The following ST6GALNAC3 variants were observed in gnomAD, a reference collection of about 807,000 sequenced individuals.
The protein encoded by ST6GALNAC3 is alpha-N-acetylgalactosaminide alpha-2,6-sialyltransferase 3.
In ST6GALNAC3, 25 loss-of-function variants were observed where a neutral mutation model predicts 32.7. That is an observed-to-expected ratio of 0.76 (90% CI 0.56 to 1.07). The LOEUF (loss-of-function observed/expected upper bound fraction) is 1.07, where lower values mean the gene tolerates loss of function less well. ST6GALNAC3 is among the 50% of genes least tolerant of loss of function. The pLI is 0.00. For synonymous variants in ST6GALNAC3, 129 were observed against 133.1 expected (o/e 0.97, Z 0.21); for missense variants, 355 against 382.4 (o/e 0.93, Z 0.60).
At chr1:76,330,508 T>C (rs1201404901) in intron 2 of ST6GALNAC3, among the ~76,000 whole-genome samples, 1 of 152,226 alleles carries the variant, frequency 6.6e-6, no homozygotes, top group East Asian at 1.9e-4. Context: ...ATCAAATGTC[T>C]TCCTGTGCTA....
At chr1:76,566,092 A>C (rs572902834) in intron 3 of ST6GALNAC3, among the ~76,000 whole-genome samples, 3 of 152,162 alleles carry the variant, frequency 2.0e-5, no homozygotes, top group Non-Finnish European at 4.4e-5. Context: ...GCTAGTAATG[A>C]TTAGGTAACA....
intron 1 of ST6GALNAC3, among the ~76,000 whole-genome samples, chr1:76,144,660 T>G (rs1427026790): frequency 6.6e-6 from 1 of 152,232 alleles, no homozygotes; most frequent in Non-Finnish European, 1.5e-5. Context: ...ACCACTTCTT[T>G]TAATAAATAC....
At chr1:76,560,873 T>C (rs1384397062) in intron 3 of ST6GALNAC3, among the ~76,000 whole-genome samples, 1 of 152,186 alleles carries the variant, frequency 6.6e-6, no homozygotes, top group Non-Finnish European at 1.5e-5. Flanking sequence ...ATCAAAGAGA[T>C]ATCTGCATTC....
Position 76,211,359 on chromosome 1 carries a change from A to C in ST6GALNAC3, c.19-102446A>C, listed in dbSNP as rs574382778. 3.9e-5 allele frequency among the ~76,000 whole-genome samples: 6 copies of C among 152,324 alleles called. No individual in the cohort carries two copies. The East Asian group carries it at 1.2e-3, about 29-fold the overall frequency. ...GGTGGGACTGTAAACTAGTTCAACC[A>C]TTGTGGAAGTCAGTGTGGCGATTCC... On this transcript the variant is annotated intron_variant, in intron 1 of 4. Coordinates refer to ENST00000328299, the MANE Select transcript of ST6GALNAC3 (RefSeq NM_152996.4).
Position 76,577,019 on chromosome 1 carries a change from T to C in ST6GALNAC3, c.624-50433T>C, listed in dbSNP as rs1032249324. On this transcript the variant is annotated intron_variant, in intron 3 of 4. Coordinates refer to ENST00000328299, the MANE Select transcript of ST6GALNAC3 (RefSeq NM_152996.4). The stretch of plus-strand genomic sequence containing the variant: ...CATGTCAGTGGTTCAAAGATTAAGA[T>C]TGTGGCTTTGTGTAAAGTTCTTTCC... 30 of 1,191,084 alleles carry C rather than the reference T, an allele frequency of 2.5e-5. No homozygotes were observed. In the South Asian group the frequency reaches 4.3e-4, roughly 17 times the overall value. 73.8% of individuals were successfully genotyped at this position (1,191,084 alleles called of 1,614,324 possible).
chr1:76,169,782 G>A (rs923756529), intron 1 of ST6GALNAC3, among the ~76,000 whole-genome samples: 1 of 152,016 alleles, frequency 6.6e-6, no homozygotes, highest in African/African-American at 2.4e-5. Context: ...TGAAATTCTT[G>A]TAGTGTGTTT....
chr1:76,396,720 A>T (rs2101185106), intron 2 of ST6GALNAC3, among the ~76,000 whole-genome samples: 1 of 152,286 alleles, frequency 6.6e-6, no homozygotes, highest in East Asian at 1.9e-4. Context: ...TAGATAGTCT[A>T]TAGTCTTTTC....
intron 1 of ST6GALNAC3, among the ~76,000 whole-genome samples, chr1:76,172,297 T>C (rs538108450): frequency 9.2e-5 from 14 of 152,250 alleles, no homozygotes; most frequent in Admixed American, 9.2e-4. Context: ...ATTCTTCATG[T>C]TAAAAACTCT....
At chr1:76,520,490 A>G (rs1259610509) in intron 3 of ST6GALNAC3, among the ~76,000 whole-genome samples, 1 of 151,712 alleles carries the variant, frequency 6.6e-6, no homozygotes, top group South Asian at 2.1e-4. Context: ...ACACACATAC[A>G]CACACACACA....
intron 3 of ST6GALNAC3, among the ~76,000 whole-genome samples, chr1:76,470,569 T>C (rs1350317928): frequency 1.3e-5 from 2 of 152,140 alleles, no homozygotes; most frequent in Non-Finnish European, 2.9e-5. Context: ...GAAATACATT[T>C]TCTCCTGTGT....
At chr1:76,111,757 AAGGTCAC>A (rs1165642044) in intron 1 of ST6GALNAC3, among the ~76,000 whole-genome samples, 2 of 150,260 alleles carry the variant, frequency 1.3e-5, no homozygotes, top group Admixed American at 6.6e-5. Context: ...GGTTGGGGGT[AAGGTCAC>A]AGATCAACAG....
chr1:76,520,470 A>G (rs1482023122), intron 3 of ST6GALNAC3, among the ~76,000 whole-genome samples: 1 of 152,130 alleles, frequency 6.6e-6, no homozygotes, highest in South Asian at 2.1e-4. Flanking sequence ...CACATACCAT[A>G]CACACACATA....
intron 2 of ST6GALNAC3, among the ~76,000 whole-genome samples, chr1:76,378,708 G>A (rs537294295): frequency 2.5e-4 from 38 of 151,386 alleles, no homozygotes; most frequent in African/African-American, 9.2e-4. Flanking sequence ...TAGTGTTTTT[G>A]TACAAAGGAT....
intron 3 of ST6GALNAC3, among the ~76,000 whole-genome samples, chr1:76,477,297 A>T (rs1029130330): frequency 2.6e-5 from 4 of 152,048 alleles, no homozygotes; most frequent in Non-Finnish European, 5.9e-5. Context: ...CACACTCTGA[A>T]TCTTCCAATT....
At chr1:76,425,293 G>C (rs1418611835) in intron 3 of ST6GALNAC3, among the ~76,000 whole-genome samples, 1 of 151,904 alleles carries the variant, frequency 6.6e-6, no homozygotes, top group Non-Finnish European at 1.5e-5. Context: ...TGCAAAAGTA[G>C]CAACTTCCCC....
chr1:76,446,286 A>T (rs1656961692), intron 3 of ST6GALNAC3, among the ~76,000 whole-genome samples: 1 of 152,026 alleles, frequency 6.6e-6, no homozygotes, highest in Admixed American at 6.5e-5. Flanking sequence ...ATCAACATCC[A>T]TTACTAGAGT....
intron 3 of ST6GALNAC3, among the ~76,000 whole-genome samples, chr1:76,561,127 T>A (rs1195536495): frequency 6.6e-6 from 1 of 152,144 alleles, no homozygotes; most frequent in Non-Finnish European, 1.5e-5. Context: ...GTTCTCTCAC[T>A]CATTTGTGGG....
rs542470620 is a variant in ST6GALNAC3, at chr1:76,124,882, AACCAGATGTGCTACAAGAGTAAGATACAC to A, written c.18+50006_18+50034del. The stretch of plus-strand genomic sequence containing the variant: ...GAGAACTTGAAATGTGGAGCATCTG[AACCAGATGTGCTACAAGAGTAAGATACAC>A]ACCAGATTACAAAAGACTTGATTAA... On this transcript the variant is annotated intron_variant, in intron 1 of 4. Coordinates refer to ENST00000328299, the MANE Select transcript of ST6GALNAC3 (RefSeq NM_152996.4). 4.5e-3 allele frequency among the ~76,000 whole-genome samples: 682 copies of A among 152,320 alleles called. 7 individuals are homozygous for A. Among genetic ancestry groups the A allele is most frequent in the African/African-American group, 0.015 (617 of 41,556 alleles).
intron 2 of ST6GALNAC3, among the ~76,000 whole-genome samples, chr1:76,378,358 A>T (rs964895745): frequency 6.6e-6 from 1 of 152,114 alleles, no homozygotes; most frequent in African/African-American, 2.4e-5. Flanking sequence ...TATGTAAATG[A>T]TTCTAAAAGT....
Sources: allele counts gnomAD v4.1 joint callset (sites outside exome capture counted in the v4.1 genomes callset), GRCh38; gene constraint gnomAD v4.1.1; transcripts MANE v1.5; gene names NCBI Gene and HGNC (gene_info 2026-07-23, HGNC 2026-07-21).